The following NMBR variants were observed in gnomAD, a reference collection of about 807,000 sequenced individuals.
NMBR encodes neuromedin B receptor.
In NMBR, 16 loss-of-function variants were observed where a neutral mutation model predicts 20.5. That is an observed-to-expected ratio of 0.78 (90% CI 0.53 to 1.19). The LOEUF is 1.19. Ranked by LOEUF, NMBR falls within the 50% of genes most tolerant of loss-of-function variation. The pLI is 0.00. For missense variants in NMBR, 582 were observed against 499.1 expected, an observed-to-expected ratio of 1.17 and a Z score of -1.58; for synonymous variants, 212 against 196.6, an observed-to-expected ratio of 1.08 and a Z score of -0.65.
intron 1 of NMBR, among the ~76,000 whole-genome samples, chr6:142,141,953 T>C (rs1358730422): frequency 6.6e-6 from 1 of 152,170 alleles, no homozygotes; most frequent in Non-Finnish European, 1.5e-5. Flanking sequence ...ATAAAACTTA[T>C]AAATTTCTGG....
At position 142,107,790 on chromosome 6, in the gene NMBR, ATATATTT is replaced by A. The variant is rs368978481; in HGVS notation, c.-663-18476_-663-18470del. 2.6e-4 allele frequency among the ~76,000 whole-genome samples: 39 copies of A among 152,272 alleles called. No individual in the cohort carries two copies. In the East Asian group the frequency reaches 4.8e-3, roughly 19 times the overall value. On this transcript the variant is annotated intron_variant, in intron 1 of 3. Transcript: ENST00000258042. ...AAAGACCTCAAAGCATCTAATATAA[ATATATTT>A]AAAAAACTAAAGAACACCATAAAGA...
intron 1 of NMBR, among the ~76,000 whole-genome samples, chr6:142,112,334 C>G (rs2114590747): frequency 6.6e-6 from 1 of 152,272 alleles, no homozygotes; most frequent in South Asian, 2.1e-4. Context: ...TAGTTTTTCT[C>G]CTATTGCAGC....
At chr6:142,140,230 C>T (rs1259953073) in intron 1 of NMBR, among the ~76,000 whole-genome samples, 2 of 151,942 alleles carry the variant, frequency 1.3e-5, no homozygotes, top group Non-Finnish European at 2.9e-5. Context: ...AAATAAATCC[C>T]AGATCACTCT....
intron 1 of NMBR, among the ~76,000 whole-genome samples, chr6:142,116,090 A>G (rs1392546550): frequency 6.6e-6 from 1 of 151,866 alleles, no homozygotes; most frequent in Non-Finnish European, 1.5e-5. Context: ...TCCCCATAAG[A>G]TGTGACTTAC....
At chr6:142,095,955 A>T (rs527273708) in intron 1 of NMBR, among the ~76,000 whole-genome samples, 4 of 152,234 alleles carry the variant, frequency 2.6e-5, no homozygotes, top group African/African-American at 9.6e-5. Flanking sequence ...TGTTTACAGT[A>T]TTCTCTGATG....
At chr6:142,131,865 T>TA (rs1489714368) in intron 1 of NMBR, among the ~76,000 whole-genome samples, 1 of 152,198 alleles carries the variant, frequency 6.6e-6, no homozygotes, top group African/African-American at 2.4e-5. Context: ...TACAGTTGAC[T>TA]AAACAATAGC....
intron 2 of NMBR, among the ~76,000 whole-genome samples, chr6:142,087,624 T>A (rs539124978): frequency 6.6e-6 from 1 of 152,026 alleles, no homozygotes. Flanking sequence ...TGGGTACCTA[T>A]CTGTGGAAAA....
At chr6:142,113,266 C>G (rs1270700116) in intron 1 of NMBR, among the ~76,000 whole-genome samples, 1 of 151,948 alleles carries the variant, frequency 6.6e-6, no homozygotes, top group Non-Finnish European at 1.5e-5. Flanking sequence ...AGCCTAAAGT[C>G]ATATTTATTT....
At chr6:142,118,428 C>T (rs1447300785) in intron 1 of NMBR, among the ~76,000 whole-genome samples, 1 of 151,866 alleles carries the variant, frequency 6.6e-6, no homozygotes, top group Non-Finnish European at 1.5e-5. Flanking sequence ...AATCGAAGAA[C>T]CTGTTAATTG....
At chr6:142,096,869 A>G (rs1427974962) in intron 1 of NMBR, among the ~76,000 whole-genome samples, 5 of 151,566 alleles carry the variant, frequency 3.3e-5, no homozygotes, top group African/African-American at 4.9e-5. Context: ...TATTGGGTGC[A>G]TATATATTTA....
intron 1 of NMBR, among the ~76,000 whole-genome samples, chr6:142,115,256 T>TA (rs1365420054): frequency 6.6e-6 from 1 of 152,050 alleles, no homozygotes; most frequent in African/African-American, 2.4e-5. Context: ...AAATTTAACC[T>TA]AAAAAATAAA....
Position 142,109,518 on chromosome 6 carries a change from T to C in NMBR, c.-663-20197A>G, listed in dbSNP as rs528587327. ...TTTTTGAGTTGGAGTCTCACTCTGT[T>C]GGCCAGGCAGGAGTGCAGTGGCACG... On this transcript the variant is annotated intron_variant, in intron 1 of 3. Coordinates refer to ENST00000258042, the MANE Select transcript of NMBR (RefSeq NM_002511.4). Among the ~76,000 whole-genome samples the C allele has an allele frequency of 6.2e-3, 899 of 145,920 alleles. 7 individuals carry two copies. Among genetic ancestry groups the C allele is most frequent in the Non-Finnish European group, 8.2e-3 (547 of 66,688 alleles).
chr6:142,133,237 T>C, intron 1 of NMBR: 1 of 622,480 alleles, frequency 1.6e-6, no homozygotes. Context: ...GTATGAGTCT[T>C]TTCTGAGTAT....
rs184903536 is a variant in NMBR at position 142,122,921 on chromosome 6, T to C, written c.-664+24123A>G. 3.5e-3 allele frequency among the ~76,000 whole-genome samples: 530 copies of C among 152,070 alleles called. 3 individuals are homozygous for C. The highest frequency in any genetic ancestry group is 0.012 in the African/African-American group (504 of 41,524). On this transcript the variant is annotated intron_variant, in intron 1 of 3. Coordinates refer to ENST00000258042, the MANE Select transcript of NMBR (RefSeq NM_002511.4). ...TGGTATAGAGGTACAAAGAGATTCA[T>C]GTTGTTTCTATGCCTGCTAACACAA...
intron 1 of NMBR, among the ~76,000 whole-genome samples, chr6:142,112,102 G>T (rs2114590576): frequency 6.6e-6 from 1 of 152,308 alleles, no homozygotes; most frequent in South Asian, 2.1e-4. Flanking sequence ...GCTGTCGGGA[G>T]AATCGCTTGA....
At chr6:142,095,314 G>A (rs947018395) in intron 1 of NMBR, among the ~76,000 whole-genome samples, 2 of 152,004 alleles carry the variant, frequency 1.3e-5, no homozygotes, top group Non-Finnish European at 2.9e-5. Flanking sequence ...CTGATTATTT[G>A]GAGATACGTC....
intron 2 of NMBR, among the ~76,000 whole-genome samples, 191 bp from the exon 3 acceptor site, chr6:142,079,094 A>G (rs973382338): frequency 1.2e-4 from 6 of 48,946 alleles, no homozygotes; most frequent in Admixed American, 1.1e-3. Context: ...GAAAGAGAGA[A>G]AGAGAGAGAG....
At chr6:142,126,091 G>C (rs1778031920) in intron 1 of NMBR, among the ~76,000 whole-genome samples, 1 of 151,676 alleles carries the variant, frequency 6.6e-6, no homozygotes, top group South Asian at 2.1e-4. Flanking sequence ...TCTACTCTCT[G>C]CTTCTATGAA....
chr6:142,135,508 A>G (rs1778236239), intron 1 of NMBR, among the ~76,000 whole-genome samples: 1 of 152,030 alleles, frequency 6.6e-6, no homozygotes, highest in Admixed American at 6.6e-5. Context: ...ATTTATTATT[A>G]TTATACTTTA....
Sources: gnomAD v4.1 joint callset for allele counts (sites outside exome capture counted in the v4.1 genomes callset) on GRCh38, gnomAD v4.1.1 for gene constraint, MANE v1.5 for transcripts, NCBI Gene and HGNC (gene_info 2026-07-23, HGNC 2026-07-21) for gene names.